The following TMEM165 variants were observed in gnomAD, a reference collection of about 807,000 sequenced individuals.
TMEM165 encodes putative divalent cation/proton antiporter TMEM165.
Under a neutral mutation model 30.0 loss-of-function variants are expected in TMEM165, and 19 were observed. The observed-to-expected ratio is 0.63, with a 90% confidence interval of 0.44 to 0.93. The LOEUF is 0.93. Among genes scored for constraint, TMEM165 ranks in the 40% least tolerant of loss-of-function variants. The probability of loss-of-function intolerance (pLI) is 0.00; values close to 1 mark genes in which losing one functional copy is unlikely to be tolerated. For synonymous variants in TMEM165, 168 were observed against 162.9 expected, an observed-to-expected ratio of 1.03 and a Z score of -0.24; for missense variants, 340 against 417.0, an observed-to-expected ratio of 0.82 and a Z score of 1.61.
chr4:55,440,317 C>T (rs1042068813), intron 3 of TMEM165, among the ~76,000 whole-genome samples: 5 of 152,154 alleles, frequency 3.3e-5, no homozygotes, highest in African/African-American at 1.2e-4. Flanking sequence ...ATTAATTTTT[C>T]CCTCTTTCCC....
chr4:55,439,216 C>A (rs955420407), intron 3 of TMEM165, among the ~76,000 whole-genome samples: 1 of 152,162 alleles, frequency 6.6e-6, no homozygotes. Context: ...TGAACAAACA[C>A]TTCTCCAAAG....
chr4:55,405,566 A>G (rs115315720), intron 1 of TMEM165, among the ~76,000 whole-genome samples: 4,087 of 152,276 alleles, frequency 0.027, 193 homozygotes, highest in African/African-American at 0.093. Context: ...TACTAAATAC[A>G]TAATAGCGTT....
At chr4:55,443,967 C>CA in intron 3 of TMEM165, 2 of 1,350,860 alleles carry the variant, frequency 1.5e-6, no homozygotes, top group South Asian at 1.3e-5. Flanking sequence ...AAAAAGAAGG[C>CA]AAAATCAAGC....
intron 2 of TMEM165, chr4:55,412,130 C>CA (rs1578236493): frequency 2.4e-6 from 1 of 418,088 alleles, no homozygotes; most frequent in Admixed American, 4.1e-5. Flanking sequence ...CACAGTCACT[C>CA]ACGCCTGTAA....
At chr4:55,402,017 C>A (rs1721016979) in intron 1 of TMEM165, among the ~76,000 whole-genome samples, 1 of 147,676 alleles carries the variant, frequency 6.8e-6, no homozygotes, top group African/African-American at 2.6e-5. Context: ...ACTCAGGAGG[C>A]TGAGGCAGGA....
At chr4:55,403,904 C>T (rs1721156785) in intron 1 of TMEM165, among the ~76,000 whole-genome samples, 1 of 152,142 alleles carries the variant, frequency 6.6e-6, no homozygotes, top group South Asian at 2.1e-4. Context: ...TCTCCCTTCC[C>T]ATTGCTTCCT....
intron 3 of TMEM165, chr4:55,442,596 T>C: frequency 5.6e-6 from 9 of 1,612,790 alleles, no homozygotes; most frequent in African/African-American, 1.3e-5. Flanking sequence ...TGGGTAGAGA[T>C]GTTTGCTGAC....
intron 3 of TMEM165, among the ~76,000 whole-genome samples, chr4:55,440,042 A>G (rs779969674): frequency 5.2e-4 from 79 of 152,118 alleles, no homozygotes; most frequent in Non-Finnish European, 1.1e-3. Context: ...ATAAAAAAAA[A>G]CCTTTTTCTT....
chr4:55,444,794 C>A (rs1250017286), intron 3 of TMEM165: 1 of 1,613,462 alleles, frequency 6.2e-7, no homozygotes, highest in Non-Finnish European at 8.5e-7. Flanking sequence ...AACTGAAGTA[C>A]CATGTACGGA....
chr4:55,444,473 G>C (rs1430433609), intron 3 of TMEM165, among the ~76,000 whole-genome samples: 1 of 152,186 alleles, frequency 6.6e-6, no homozygotes, highest in African/African-American at 2.4e-5. Flanking sequence ...TTTAGAGACT[G>C]TAAGTATAAT....
chr4:55,444,574 T>C lies in TMEM165; in HGVS notation c.409-7665T>C, dbSNP rs540532864. On this transcript the variant is annotated intron_variant, in intron 3 of 3. Transcript: ENST00000608091. ...CACTTTTAATTAAGAAAAGTTAATT[T>C]TCCTAGAAATCCAAAATGTGAATGG... is the stretch of plus-strand genomic sequence containing the variant. 260 of 1,608,310 alleles carry C rather than the reference T, an allele frequency of 1.6e-4. No homozygotes were observed. In the African/African-American group the frequency reaches 3.2e-3, roughly 20 times the overall value.
chr4:55,435,414 G>C, intron 3 of TMEM165: 1 of 1,613,898 alleles, frequency 6.2e-7, no homozygotes, highest in South Asian at 1.1e-5. Flanking sequence ...AAGCACGTGT[G>C]CTACTGTGGT....
chr4:55,414,249 G>A (rs752907558), intron 2 of TMEM165, among the ~76,000 whole-genome samples: 31 of 148,506 alleles, frequency 2.1e-4, no homozygotes, highest in Non-Finnish European at 3.8e-4. Context: ...CAGCCTGGGC[G>A]ACAGAGTGAG....
intron 2 of TMEM165, chr4:55,412,652 A>G (rs1255499754): frequency 6.6e-6 from 1 of 152,076 alleles, no homozygotes; most frequent in Non-Finnish European, 1.5e-5. Flanking sequence ...TCCAAGTGCA[A>G]TGGTGTATAC....
intron 3 of TMEM165, among the ~76,000 whole-genome samples, chr4:55,450,454 ATC>A (rs1724332868): frequency 6.6e-6 from 1 of 152,208 alleles, no homozygotes; most frequent in Admixed American, 6.5e-5. Flanking sequence ...TGAAGTTGGA[ATC>A]TCTTACACCA....
At chr4:55,449,224 A>G (rs1724213640) in intron 3 of TMEM165, among the ~76,000 whole-genome samples, 1 of 152,196 alleles carries the variant, frequency 6.6e-6, no homozygotes, top group Admixed American at 6.5e-5. Flanking sequence ...GGACCAATAC[A>G]TATGACAACC....
At chr4:55,396,911 G>A (rs2109511202) in intron 1 of TMEM165, among the ~76,000 whole-genome samples, 1 of 152,280 alleles carries the variant, frequency 6.6e-6, no homozygotes. Flanking sequence ...TGGCTAGCAG[G>A]AAGTAGCCTT....
downstream of TMEM165, chr4:55,428,476 G>A (rs1722326399): frequency 6.6e-6 from 1 of 152,172 alleles, no homozygotes; most frequent in Non-Finnish European, 1.5e-5. Context: ...ATGCAATTCA[G>A]AATTTCGGCA....
intron 3 of TMEM165, chr4:55,450,028 T>G: frequency 6.4e-7 from 1 of 1,560,516 alleles, no homozygotes; most frequent in Non-Finnish European, 8.8e-7. Flanking sequence ...AATGCTGATA[T>G]AAGTAACTAA....
Sources: gnomAD v4.1 joint callset for allele counts (sites outside exome capture counted in the v4.1 genomes callset) on GRCh38, gnomAD v4.1.1 for gene constraint, MANE v1.5 for transcripts, NCBI Gene and HGNC (gene_info 2026-07-23, HGNC 2026-07-21) for gene names.